The following IARS1 variants were observed in gnomAD, a reference collection of about 807,000 sequenced individuals.
IARS1 encodes the protein isoleucine--tRNA ligase, cytoplasmic.
A neutral mutation model predicts 168.2 loss-of-function variants in IARS1; 124 were observed. That is an observed-to-expected ratio of 0.74 (90% CI 0.64 to 0.86). The LOEUF (loss-of-function observed/expected upper bound fraction) is 0.86, where lower values mean the gene tolerates loss of function less well. Among genes scored for constraint, IARS1 ranks in the 40% least tolerant of loss-of-function variants. The pLI is 0.00. For synonymous variants in IARS1, 532 were observed against 529.4 expected (o/e 1.00, Z -0.07); for missense variants, 1,452 against 1,515.8 (o/e 0.96, Z 0.70).
At chr9:92,238,330 T>C (rs192748704) in intron 30 of IARS1, among the ~76,000 whole-genome samples, 36 of 152,292 alleles carry the variant, frequency 2.4e-4, no homozygotes, top group Admixed American at 6.5e-5. Context: ...TGGGAGGTGT[T>C]TGGGTCACTG....
intron 14 of IARS1, among the ~76,000 whole-genome samples, chr9:92,267,910 AGTGT>A (rs1436943820): frequency 1.3e-5 from 2 of 152,210 alleles, no homozygotes; most frequent in African/African-American, 4.8e-5. Context: ...AAACATTTAA[AGTGT>A]GTATTTCCCT....
intron 7 of IARS1, among the ~76,000 whole-genome samples, 198 bp from the exon 8 acceptor site, chr9:92,278,484 T>C (rs937181544): frequency 2.6e-5 from 4 of 152,194 alleles, no homozygotes; most frequent in African/African-American, 9.7e-5. Context: ...AAACATCAAA[T>C]GCACTTAGGC....
chr9:92,265,214 A>G, intron 15 of IARS1, 91 bp from the exon 16 acceptor site: 1 of 1,126,314 alleles, frequency 8.9e-7, no homozygotes. Context: ...AACCCTGACA[A>G]GATATTATAC....
At chr9:92,268,524 G>T (rs1447375792) in intron 13 of IARS1, among the ~76,000 whole-genome samples, 1 of 152,124 alleles carries the variant, frequency 6.6e-6, no homozygotes, top group Non-Finnish European at 1.5e-5. Flanking sequence ...CAGCACACAG[G>T]CCTCCCATGT....
chr9:92,241,856 C>T (rs1452336350), intron 29 of IARS1, among the ~76,000 whole-genome samples: 1 of 152,202 alleles, frequency 6.6e-6, no homozygotes, highest in Non-Finnish European at 1.5e-5. Flanking sequence ...CCAGAATCCA[C>T]ACACTGCCTT....
chr9:92,219,404 CA>C (rs1487700831), intron 33 of IARS1, among the ~76,000 whole-genome samples: 2 of 150,184 alleles, frequency 1.3e-5, no homozygotes, highest in Non-Finnish European at 3.0e-5. Flanking sequence ...CAACAAAAGA[CA>C]AAATTGACAA....
intron 6 of IARS1, among the ~76,000 whole-genome samples, chr9:92,282,741 GC>G (rs1834809029): frequency 6.6e-6 from 1 of 151,708 alleles, no homozygotes. Flanking sequence ...TTGCATTCCA[GC>G]CTAGGTGACA....
Position 92,277,886 on chromosome 9 carries a change from G to T in IARS1, c.871C>A (p.Pro291Thr). Residue 291 changes from proline (P) to threonine (T), a missense_variant, in exon 9 of 34, where the codon CCC becomes ACC. Physicochemically the swap from Pro to Thr is conservative, Grantham distance 38. Coordinates refer to ENST00000443024, the MANE Select transcript of IARS1 (RefSeq NM_002161.6). ...ACCTTCAGGAAATAGTCAAACAGGG[G>T]CCTGTACTTCTTGCCTTTAAGATAG... ...GAYLKGKKYR[P>T]LFDYFLKCKE... is the part of the protein sequence containing the mutation. The T allele has an allele frequency of 2.5e-6, 4 of 1,613,898 alleles. No homozygotes were observed. The highest frequency in any genetic ancestry group is 3.4e-6 in the Non-Finnish European group (4 of 1,179,886).
chr9:92,263,256 C>T (rs761650651), intron 16 of IARS1, among the ~76,000 whole-genome samples: 9 of 152,168 alleles, frequency 5.9e-5, no homozygotes, highest in Non-Finnish European at 5.9e-5. Context: ...AAATAAACGT[C>T]TGGAATGATT....
Position 92,243,221 on chromosome 9 carries a change from T to C in IARS1, c.2995A>G (p.Lys999Glu). 1 of 1,612,716 alleles carries C rather than the reference T, an allele frequency of 6.2e-7. No homozygotes were observed. The highest frequency in any genetic ancestry group is 8.5e-7 in the Non-Finnish European group (1 of 1,178,814). The change falls in exon 28 of 34, where the codon AAA becomes GAA. Residue 999 changes from lysine (K) to glutamate (E), a missense_variant. Transcript: ENST00000443024. Reference sequence around the variant, plus strand: ...TTCTTAACTGACAAACTAACCTTTTTGCGAAGTTTCTGTATGCGATTGATG... The same window carrying C: ...TTCTTAACTGACAAACTAACCTTTTCGCGAAGTTTCTGTATGCGATTGATG... ...EVINRIQKLR[K>E]KCNLVPTDEI...
At chr9:92,274,405 T>C in intron 10 of IARS1, 21 bp downstream of exon 10, 1 of 1,585,284 alleles carries the variant, frequency 6.3e-7, no homozygotes, top group South Asian at 1.1e-5. Context: ...CAAATACATT[T>C]GCCAGACTTA....
chr9:92,242,390 G>A (rs1428190632), intron 28 of IARS1, 60 bp from the exon 29 acceptor site: 5 of 1,373,492 alleles, frequency 3.6e-6, no homozygotes, highest in Admixed American at 4.2e-5. Flanking sequence ...AGAACTGAAG[G>A]AAGGTACTGT....
At chr9:92,240,676 A>T (rs1379220165) in intron 30 of IARS1, 180 bp downstream of exon 30, 2 of 717,778 alleles carry the variant, frequency 2.8e-6, no homozygotes, top group African/African-American at 1.7e-5. Flanking sequence ...TTCAGGAATG[A>T]TCCACTGCAT....
chr9:92,234,006 C>T (rs1254456538), intron 30 of IARS1, among the ~76,000 whole-genome samples: 2 of 152,210 alleles, frequency 1.3e-5, no homozygotes, highest in Non-Finnish European at 2.9e-5. Context: ...AGTAATCCTC[C>T]TGCCTAAGCC....
At chr9:92,241,907 A>G (rs1828467123) in intron 29 of IARS1, among the ~76,000 whole-genome samples, 1 of 152,166 alleles carries the variant, frequency 6.6e-6, no homozygotes, top group African/African-American at 2.4e-5. Flanking sequence ...TTTCCGGGCA[A>G]AGCTCATGTA....
At chr9:92,270,186 A>G (rs1832818730) in intron 12 of IARS1, among the ~76,000 whole-genome samples, 2 of 152,350 alleles carry the variant, frequency 1.3e-5, no homozygotes, top group Admixed American at 1.3e-4. Context: ...AAACTAATAC[A>G]AGAACAAGAG....
rs1398394058 is a variant in IARS1, at chr9:92,273,075, T to C, written c.990+1351A>G. ...TGAACCCAGGAGACGGAGATTGCAGTGAGCCGAGATCCTGCCACTGCACTC... is the reference window on the plus strand; with the variant it reads ...TGAACCCAGGAGACGGAGATTGCAGCGAGCCGAGATCCTGCCACTGCACTC... On this transcript the variant is annotated intron_variant, in intron 10 of 33. Coordinates refer to ENST00000443024, the MANE Select transcript of IARS1 (RefSeq NM_002161.6). Among the ~76,000 whole-genome samples, 3 of 146,196 alleles carry C rather than the reference T, an allele frequency of 2.1e-5. No individual in the cohort carries two copies. In the Admixed American group the frequency reaches 2.1e-4, roughly 10 times the overall value.
In IARS1 at chr9:92,260,222, T is replaced by C. The variant is rs768833995; in HGVS notation, c.1800A>G (p.Lys600=). Residue 600 remains lysine (K), a synonymous_variant, in exon 18 of 34, where the codon AAA becomes AAG. Transcript: ENST00000443024. ...NGLVLASDGQ[K]MSKRKKNYPD... ...GATAATTCTTTTTCCGTTTGCTCAT[T>C]TTTTGGCCATCACTTGTAAAACAAA... is the stretch of plus-strand genomic sequence containing the variant. 3 of 1,613,878 alleles carry C rather than the reference T, an allele frequency of 1.9e-6. No homozygotes were observed. The East Asian group carries it at 6.7e-5, about 36-fold the overall frequency.
At chr9:92,264,497 A>AT (rs1445129087) in intron 16 of IARS1, among the ~76,000 whole-genome samples, 3 of 152,214 alleles carry the variant, frequency 2.0e-5, no homozygotes, top group South Asian at 2.1e-4. Context: ...AAAAATCTGG[A>AT]TTTTTTTAGA....
Sources: gnomAD v4.1 joint callset for allele counts (sites outside exome capture counted in the v4.1 genomes callset) on GRCh38, gnomAD v4.1.1 for gene constraint, MANE v1.5 for transcripts, NCBI Gene and HGNC (gene_info 2026-07-23, HGNC 2026-07-21) for gene names.